PTPRK: variants seen among roughly 807,000 people sequenced by gnomAD.
PTPRK encodes protein tyrosine phosphatase receptor type K.
Under a neutral mutation model 178.0 loss-of-function variants are expected in PTPRK, and 75 were observed. That is an observed-to-expected ratio of 0.42 (90% CI 0.35 to 0.51). The LOEUF (loss-of-function observed/expected upper bound fraction) is 0.51, where lower values mean the gene tolerates loss of function less well. PTPRK is among the 20% of genes least tolerant of loss of function. The pLI is 0.02. For synonymous variants in PTPRK, 637 were observed against 620.6 expected (o/e 1.03, Z -0.39); for missense variants, 1,441 against 1,797.8 (o/e 0.80, Z 3.59).
chr6:128,441,166 T>C (rs1213013988), intron 1 of PTPRK, among the ~76,000 whole-genome samples: 2 of 152,226 alleles, frequency 1.3e-5, no homozygotes, highest in Admixed American at 1.3e-4. Context: ...TTAAGCCTCA[T>C]TTTAAAAATC....
At chr6:128,165,997 T>G (rs1799342155) in intron 7 of PTPRK, among the ~76,000 whole-genome samples, 1 of 151,694 alleles carries the variant, frequency 6.6e-6, no homozygotes. Context: ...AGAGTATTTC[T>G]TCTAGATATA....
chr6:128,153,729 G>A (rs190085330), intron 7 of PTPRK, among the ~76,000 whole-genome samples: 24 of 151,940 alleles, frequency 1.6e-4, no homozygotes, highest in African/African-American at 5.3e-4. Flanking sequence ...CAATGACAAC[G>A]TTTTAGATAC....
At chr6:128,165,298 G>C (rs1799240763) in intron 7 of PTPRK, among the ~76,000 whole-genome samples, 2 of 151,252 alleles carry the variant, frequency 1.3e-5, no homozygotes, top group Non-Finnish European at 3.0e-5. Context: ...AAAGTATATT[G>C]TGTACATTTA....
At chr6:128,224,223 C>A (rs527533719) in intron 5 of PTPRK, among the ~76,000 whole-genome samples, 1 of 152,116 alleles carries the variant, frequency 6.6e-6, no homozygotes, top group Admixed American at 6.5e-5. Context: ...CTTTCCATCC[C>A]GCCCTCCAAT....
At chr6:128,493,141 A>G (rs1404977641) in intron 1 of PTPRK, among the ~76,000 whole-genome samples, 1 of 152,254 alleles carries the variant, frequency 6.6e-6, no homozygotes. Context: ...AAAGAAAGCC[A>G]GCATTCACCT....
chr6:128,424,491 A>C (rs1843871523), intron 1 of PTPRK, among the ~76,000 whole-genome samples: 1 of 152,230 alleles, frequency 6.6e-6, no homozygotes, highest in Non-Finnish European at 1.5e-5. Context: ...GCGATGTGGA[A>C]GTTCAGAAGG....
At chr6:128,480,000 T>C (rs2128423225) in intron 1 of PTPRK, among the ~76,000 whole-genome samples, 1 of 152,262 alleles carries the variant, frequency 6.6e-6, no homozygotes, top group East Asian at 1.9e-4. Context: ...TCCCTTTGCC[T>C]TTCCCATTTC....
At chr6:128,379,877 T>A (rs1188300960) in intron 2 of PTPRK, among the ~76,000 whole-genome samples, 2 of 152,212 alleles carry the variant, frequency 1.3e-5, no homozygotes, top group Non-Finnish European at 1.5e-5. Flanking sequence ...ATATTTGCTA[T>A]CTAATATTTT....
At chr6:128,221,627 A>G (rs1450195810) in intron 5 of PTPRK, among the ~76,000 whole-genome samples, 2 of 152,074 alleles carry the variant, frequency 1.3e-5, no homozygotes, top group East Asian at 1.9e-4. Flanking sequence ...TATGCATATT[A>G]TGTAGTAAAT....
intron 3 of PTPRK, among the ~76,000 whole-genome samples, chr6:128,318,747 C>A (rs546128174): frequency 6.6e-6 from 1 of 152,136 alleles, no homozygotes. Context: ...GAATACAAGA[C>A]AGGTCAGATT....
intron 3 of PTPRK, among the ~76,000 whole-genome samples, chr6:128,299,313 T>C (rs1484526603): frequency 2.6e-3 from 1 of 378 alleles, no homozygotes; most frequent in Non-Finnish European, 4.5e-3. Flanking sequence ...ATTTATAGAT[T>C]CAATGCCATC....
Position 128,242,607 on chromosome 6 carries a change from C to T in PTPRK, c.496-5G>A, listed in dbSNP as rs377674855. The T allele has an allele frequency of 3.7e-6, 6 of 1,610,058 alleles. No homozygotes were observed. Among genetic ancestry groups the T allele is most frequent in the Non-Finnish European group, 5.1e-6 (6 of 1,178,802 alleles). On this transcript the variant is annotated splice_polypyrimidine_tract_variant and splice_region_variant and intron_variant, in intron 3 of 29. Coordinates refer to ENST00000368226, the MANE Select transcript of PTPRK (RefSeq NM_002844.4). ...GACTTCAGCTTCAAATATTACCTGT[C>T]AAAAAGAAACAGAAAATATTTACAA... is the stretch of plus-strand genomic sequence containing the variant.
intron 19 of PTPRK, among the ~76,000 whole-genome samples, chr6:127,992,013 G>C (rs73582609): frequency 0.05 from 7,578 of 151,760 alleles, 295 homozygotes; most frequent in African/African-American, 0.1. Context: ...TGTTAAAAGA[G>C]TAAACCTAGC....
chr6:128,394,543 A>T (rs1337546020), intron 2 of PTPRK, among the ~76,000 whole-genome samples: 1 of 152,140 alleles, frequency 6.6e-6, no homozygotes, highest in East Asian at 1.9e-4. Context: ...TTAAATATGC[A>T]TTTCTTTGAT....
chr6:128,384,333 T>C (rs1365319260), intron 2 of PTPRK, among the ~76,000 whole-genome samples: 2 of 152,168 alleles, frequency 1.3e-5, no homozygotes, highest in Non-Finnish European at 2.9e-5. Flanking sequence ...TTTCTCAACA[T>C]ATAACTTAAT....
At chr6:128,363,730 C>A (rs1835087509) in intron 2 of PTPRK, among the ~76,000 whole-genome samples, 1 of 152,148 alleles carries the variant, frequency 6.6e-6, no homozygotes, top group Admixed American at 6.6e-5. Context: ...CTAACCAAAT[C>A]ATAGCTAAGT....
chr6:128,325,134 A>G (rs1829370008), intron 2 of PTPRK, among the ~76,000 whole-genome samples: 1 of 152,208 alleles, frequency 6.6e-6, no homozygotes, highest in Non-Finnish European at 1.5e-5. Context: ...GTGGCCTTAC[A>G]AATATTCCTT....
chr6:128,141,977 T>C (rs894611916), intron 7 of PTPRK, among the ~76,000 whole-genome samples: 3 of 151,922 alleles, frequency 2.0e-5, no homozygotes, highest in African/African-American at 7.2e-5. Context: ...CTTCCAAATA[T>C]CAAATTATTT....
chr6:128,349,826 G>A (rs1221184753), intron 2 of PTPRK, among the ~76,000 whole-genome samples: 1 of 152,084 alleles, frequency 6.6e-6, no homozygotes, highest in Non-Finnish European at 1.5e-5. Context: ...GGGCAAGGTT[G>A]CCAACTGTGG....
Sources: allele counts gnomAD v4.1 joint callset (sites outside exome capture counted in the v4.1 genomes callset), GRCh38; gene constraint gnomAD v4.1.1; transcripts MANE v1.5; gene names NCBI Gene and HGNC (gene_info 2026-07-23, HGNC 2026-07-21).